Variants in PLXNC1 observed in about 807,000 individuals in gnomAD.
PLXNC1 encodes the protein plexin C1.
PLXNC1 carries 75 observed loss-of-function variants against 178.2 expected under a neutral mutation model. The observed-to-expected ratio is 0.42, with a 90% CI of 0.35 to 0.51. The LOEUF (loss-of-function observed/expected upper bound fraction) is 0.51, where lower values mean the gene tolerates loss of function less well. PLXNC1 is among the 20% of genes least tolerant of loss of function. PLXNC1 has a pLI of 0.02. For missense variants in PLXNC1, 1,503 were observed against 1,984.4 expected (o/e 0.76, Z 4.61); for synonymous variants, 790 against 779.9 (o/e 1.01, Z -0.22).
intron 4 of PLXNC1, among the ~76,000 whole-genome samples, chr12:94,189,407 G>A (rs970300091): frequency 1.3e-5 from 2 of 152,128 alleles, no homozygotes; most frequent in South Asian, 2.1e-4. Flanking sequence ...GGGCAGGCGC[G>A]GTGACTCACA....
rs974142504 is a variant in PLXNC1 at position 94,305,056 on chromosome 12, T to C, written c.4603-125T>C. 6 of 631,240 alleles carry C rather than the reference T, an allele frequency of 9.5e-6. No homozygotes were observed. The African/African-American group carries it at 1.1e-4, about 12-fold the overall frequency. The allele number at this position is 631,240 out of a possible 1,614,324, so 39.1% of individuals were successfully genotyped here. On this transcript the variant is annotated intron_variant, in intron 30 of 30. Transcript: ENST00000258526. ...ACAACTTGCAAAGTGAGTATGTAAATGATGGAAGAAAATGTTGGCATCTGT... is the reference window on the plus strand; with the variant it reads ...ACAACTTGCAAAGTGAGTATGTAAACGATGGAAGAAAATGTTGGCATCTGT...
At chr12:94,270,218 C>G (rs543364514) in intron 21 of PLXNC1, among the ~76,000 whole-genome samples, 1 of 152,308 alleles carries the variant, frequency 6.6e-6, no homozygotes, top group South Asian at 2.1e-4. Context: ...TTATCTAGAG[C>G]AGGGACCAGC....
At position 94,189,605 on chromosome 12, in the gene PLXNC1, C is replaced by T. The variant is rs527738745; in HGVS notation, c.1439+3132C>T. ...TAAGGTGGGAGGCTTGCTTGAGTCC[C>T]AGAGGTAGAAGTTGCAGTGAGCTGA... On this transcript the variant is annotated intron_variant, in intron 4 of 30. Transcript: ENST00000258526. Among the ~76,000 whole-genome samples, 64 of 151,798 alleles carry T rather than the reference C, an allele frequency of 4.2e-4. 1 individual carries two copies. The South Asian group carries it at 0.013, about 31-fold the overall frequency.
At chr12:94,158,969 C>T (rs979736768) in intron 1 of PLXNC1, among the ~76,000 whole-genome samples, 5 of 152,142 alleles carry the variant, frequency 3.3e-5, no homozygotes, top group African/African-American at 4.8e-5. Flanking sequence ...AGTAAAACAG[C>T]GGGATTATAA....
intron 2 of PLXNC1, among the ~76,000 whole-genome samples, chr12:94,176,040 A>T (rs1436758480): frequency 6.6e-6 from 1 of 152,238 alleles, no homozygotes; most frequent in Non-Finnish European, 1.5e-5. Context: ...TTGACTTCAG[A>T]TTAGATCTAT....
intron 5 of PLXNC1, among the ~76,000 whole-genome samples, chr12:94,211,522 A>G (rs1214119447): frequency 6.7e-6 from 1 of 149,558 alleles, no homozygotes; most frequent in African/African-American, 2.5e-5. Context: ...GGTTGTGTTC[A>G]GTTCCACCTA....
At chr12:94,156,007 G>A (rs1961154329) in intron 1 of PLXNC1, among the ~76,000 whole-genome samples, 1 of 152,220 alleles carries the variant, frequency 6.6e-6, no homozygotes, top group African/African-American at 2.4e-5. Context: ...ACAGTCACTG[G>A]AACCAGGTCA....
intron 9 of PLXNC1, among the ~76,000 whole-genome samples, chr12:94,237,062 G>C (rs1964262700): frequency 6.6e-6 from 1 of 152,226 alleles, no homozygotes; most frequent in Non-Finnish European, 1.5e-5. Flanking sequence ...GTAGCAAGAA[G>C]GAGGTTGTGG....
chr12:94,209,667 G>A lies in PLXNC1; in HGVS notation c.1517G>A (p.Cys506Tyr). Residue 506 changes from cysteine (C) to tyrosine (Y), a missense_variant, in exon 5 of 31, where the codon TGC becomes TAC. Cys to Tyr is a radical substitution (Grantham distance 194, BLOSUM62 -2). Transcript: ENST00000258526. ...GATATTTCGTCTGGAGCAAAAAAGTGCCCTAAAATTCAGATAATTCGAAGC... is the reference window on the plus strand; with the variant it reads ...GATATTTCGTCTGGAGCAAAAAAGTACCCTAAAATTCAGATAATTCGAAGC... ...WLDISSGAKKCPKIQIIRSSK... is the reference protein window; with the variant it reads ...WLDISSGAKKYPKIQIIRSSK... 11 of 1,611,240 alleles carry A rather than the reference G, an allele frequency of 6.8e-6. No individual in the cohort carries two copies. Among genetic ancestry groups the A allele is most frequent in the Non-Finnish European group, 9.3e-6 (11 of 1,177,762 alleles).
intron 21 of PLXNC1, chr12:94,272,337 C>T (rs1965623613): frequency 6.6e-6 from 1 of 152,250 alleles, no homozygotes; most frequent in African/African-American, 2.4e-5. Flanking sequence ...GTCTGCTCAC[C>T]CCAGCCTCAT....
intron 4 of PLXNC1, among the ~76,000 whole-genome samples, chr12:94,197,437 T>TCTCTCCCTC: frequency 6.7e-6 from 1 of 148,656 alleles, no homozygotes; most frequent in East Asian, 2.0e-4. Context: ...TTAGGCCCCT[T>TCTCTCCCTC]TCTCTCTCTC....
chr12:94,182,903 CTATCATCT>C (rs1283556860), intron 3 of PLXNC1, among the ~76,000 whole-genome samples: 1 of 151,826 alleles, frequency 6.6e-6, no homozygotes, highest in African/African-American at 2.4e-5. Flanking sequence ...ATCTATCTAT[CTATCATCT>C]ATCTATCTAT....
intron 20 of PLXNC1, among the ~76,000 whole-genome samples, chr12:94,263,074 G>A (rs1044570315): frequency 2.0e-5 from 3 of 152,124 alleles, no homozygotes; most frequent in Non-Finnish European, 4.4e-5. Context: ...CCTGGCCCCT[G>A]GGGGAGGGGA....
At chr12:94,231,722 A>G (rs1964109117) in intron 9 of PLXNC1, among the ~76,000 whole-genome samples, 1 of 152,122 alleles carries the variant, frequency 6.6e-6, no homozygotes, top group African/African-American at 2.4e-5. Context: ...TTGGAGGAGG[A>G]GTATTTCAAG....
chr12:94,278,197 T>G (rs765515360), intron 21 of PLXNC1: 1 of 369,240 alleles, frequency 2.7e-6, no homozygotes, highest in Admixed American at 3.4e-5. Context: ...CATTCCCTCG[T>G]TAAGCCAGGC....
chr12:94,253,162 G>T (rs2136071222), intron 15 of PLXNC1, among the ~76,000 whole-genome samples: 1 of 132,354 alleles, frequency 7.6e-6, no homozygotes, highest in Admixed American at 9.0e-5. Flanking sequence ...AGTGAGCCGA[G>T]ATCGTGCCAC....
At position 94,265,010 on chromosome 12, in the gene PLXNC1, A is replaced by G. The variant is rs1175406536; in HGVS notation, c.3451-69A>G. 3.3e-6 allele frequency: 5 copies of G among 1,501,304 alleles called. No individual in the cohort carries two copies. In the African/African-American group the frequency reaches 5.6e-5, roughly 17 times the overall value. 93.0% of individuals were successfully genotyped at this position (1,501,304 alleles called of 1,614,324 possible). The stretch of plus-strand genomic sequence containing the variant: ...TCCTGCCTTACTGCTGTAAACAGAA[A>G]CTTTAATTCTTTGGAAAGTACAGTG... On this transcript the variant is annotated intron_variant, in intron 20 of 30. Coordinates refer to ENST00000258526, the MANE Select transcript of PLXNC1 (RefSeq NM_005761.3).
intron 3 of PLXNC1, among the ~76,000 whole-genome samples, chr12:94,181,993 C>T (rs1040216024): frequency 4.6e-5 from 7 of 151,986 alleles, no homozygotes; most frequent in African/African-American, 1.7e-4. Flanking sequence ...ATTCATGAAC[C>T]AGGAAATATA....
intron 4 of PLXNC1, among the ~76,000 whole-genome samples, chr12:94,187,190 G>GAGAC (rs1555196791): frequency 2.4e-5 from 2 of 85,052 alleles, no homozygotes; most frequent in African/African-American, 6.0e-5. Context: ...GAGAGAGAGA[G>GAGAC]AGAAAAAAAA....
Sources: gnomAD v4.1 joint callset for allele counts (sites outside exome capture counted in the v4.1 genomes callset) on GRCh38, gnomAD v4.1.1 for gene constraint, MANE v1.5 for transcripts, NCBI Gene and HGNC (gene_info 2026-07-23, HGNC 2026-07-21) for gene names.